Variants in TAP2 observed in about 807,000 individuals in gnomAD.
TAP2 encodes the protein transporter 2, ATP binding cassette subfamily B member, also known as antigen peptide transporter 2.
A neutral mutation model predicts 74.7 loss-of-function variants in TAP2; 49 were observed. The ratio of observed to expected loss-of-function variants is 0.66; its 90% confidence interval spans 0.52 to 0.83. The LOEUF (loss-of-function observed/expected upper bound fraction) is 0.83, where lower values mean the gene tolerates loss of function less well. TAP2 is among the 40% of genes least tolerant of loss of function. TAP2 has a pLI of 0.00. For missense variants in TAP2, 739 were observed against 859.0 expected, an observed-to-expected ratio of 0.86 and a Z score of 1.75; for synonymous variants, 306 against 368.4, an observed-to-expected ratio of 0.83 and a Z score of 1.94.
rs545182541 is a variant in TAP2 at position 32,835,814 on chromosome 6, A to T, written c.609-41T>A. On this transcript the variant is annotated intron_variant, in intron 3 of 11. Transcript: ENST00000374897. This position sits in a 1 kb window ranked among gnomAD's most constrained non-coding sequence, Gnocchi z 4.0. Reference sequence around the variant, plus strand: ...ATAAGAGGGGAGGGAGATGCAGAGAAGGAGCAAGCCAGCGGGTGAAACAGA... The same window carrying T: ...ATAAGAGGGGAGGGAGATGCAGAGATGGAGCAAGCCAGCGGGTGAAACAGA... 1 of 1,612,804 alleles carries T rather than the reference A, an allele frequency of 6.2e-7. No individual in the cohort carries two copies. The highest frequency in any genetic ancestry group is 8.5e-7 in the Non-Finnish European group (1 of 1,179,824).
At position 32,837,633 on chromosome 6, in the gene TAP2, T is replaced by A. The variant is rs1277328181; in HGVS notation, c.512A>T (p.His171Leu). Residue 171 changes from histidine (H) to leucine (L), a missense_variant, in exon 3 of 12, where the codon CAC becomes CTC. Transcript: ENST00000374897. ...LAVLGETLIP[H>L]YSGRVIDILG... ...GATGTCAATCACACGACCAGAATAG[T>A]GAGGGATTAATGTCTCACCTGAAAG... The A allele has an allele frequency of 1.2e-6, 2 of 1,613,710 alleles. No individual in the cohort carries two copies. The highest frequency in any genetic ancestry group is 1.7e-6 in the Non-Finnish European group (2 of 1,179,952).
At chr6:32,830,522 C>T (rs9368744) in intron 8 of TAP2, 82 bp from the exon 9 acceptor site, 32,977 of 1,595,384 alleles carry the variant, frequency 0.021, 460 homozygotes, top group East Asian at 0.057. Flanking sequence ...GAGGCAAGAC[C>T]AGGTTCTCAG....
downstream of TAP2, among the ~76,000 whole-genome samples, chr6:32,825,126 T>TATA (rs1554230832): frequency 2.1e-5 from 3 of 140,684 alleles, no homozygotes; most frequent in Non-Finnish European, 3.1e-5. Flanking sequence ...TGTCTGTTGG[T>TATA]TATATACATA....
rs540923527 is a variant in TAP2, at chr6:32,831,781, C to G, written c.1272+552G>C. 3.3e-5 allele frequency among the ~76,000 whole-genome samples: 5 copies of G among 151,582 alleles called. No individual in the cohort carries two copies. In the South Asian group the frequency reaches 1.0e-3, roughly 31 times the overall value. Reference sequence around the variant, plus strand: ...ATAGATGGATGGATAGATAGATAGACAGACAGACTTAAAAGATGTATCAAC... The same window carrying G: ...ATAGATGGATGGATAGATAGATAGAGAGACAGACTTAAAAGATGTATCAAC... On this transcript the variant is annotated intron_variant, in intron 7 of 11. Transcript: ENST00000374897.
downstream of TAP2, chr6:32,822,166 G>T: frequency 1.3e-6 from 1 of 789,594 alleles, no homozygotes; most frequent in Non-Finnish European, 2.1e-6. Context: ...TGTACTATTT[G>T]CCTCAATTTC....
Position 32,835,754 on chromosome 6 carries a change from G to C in TAP2, c.628C>G (p.Arg210Gly). Reference protein sequence around the residue: ...SFGSSLSAGCRGGCFTYTMSR... With the variant: ...SFGSSLSAGCGGGCFTYTMSR... ...ATGGTGTAGGTGAAGCAGCCTCCTC[G>C]GCAGCCTGCAGACAGTGAGCTGTGG... The change falls in exon 4 of 12, where the codon CGA becomes GGA. Residue 210 changes from arginine (R) to glycine (G), a missense_variant. Coordinates refer to ENST00000374897, the MANE Select transcript of TAP2 (RefSeq NM_001290043.2). The surrounding 1 kb of genome is among the most constrained non-coding windows in gnomAD (Gnocchi z 4.0). 1 of 1,613,092 alleles carries C rather than the reference G, an allele frequency of 6.2e-7. No homozygotes were observed. Among genetic ancestry groups the C allele is most frequent in the Non-Finnish European group, 8.5e-7 (1 of 1,180,024 alleles).
chr6:32,837,468 G>A, intron 3 of TAP2, 69 bp downstream of exon 3: 1 of 1,307,628 alleles, frequency 7.6e-7, no homozygotes, highest in Non-Finnish European at 1.1e-6. Flanking sequence ...CCTAGAAATG[G>A]AGTTAGGGAA....
rs1769569643 is a variant in TAP2, at chr6:32,838,228, C to A, written c.6G>T (p.Arg2=). The part of the protein sequence containing the change: M[R]LPDLRPWTSL... ...AGGTCCAGGGTCTCAGGTCAGGGAG[C>A]CGCATGGCTCTGTCAACGGATACGA... Residue 2 remains arginine, a synonymous_variant, in exon 2 of 12, where the codon CGG becomes CGT. Coordinates refer to ENST00000374897, the MANE Select transcript of TAP2 (RefSeq NM_001290043.2). 6.4e-7 allele frequency: 1 copy of A among 1,565,632 alleles called. No homozygotes were observed. The highest frequency in any genetic ancestry group is 8.6e-7 in the Non-Finnish European group (1 of 1,159,490).
intron 1 of TAP2, 113 bp from the exon 2 acceptor site, chr6:32,838,350 A>AT: frequency 1.0e-5 from 14 of 1,388,874 alleles, no homozygotes; most frequent in Non-Finnish European, 1.3e-5. Context: ...ATTTTATCCT[A>AT]TTCAACCCTG....
Position 32,827,921 on chromosome 6 carries a change from ATAAC to A in TAP2, c.*981_*984del. 1.0e-6 allele frequency: 1 copy of A among 978,654 alleles called. No homozygotes were observed. Among genetic ancestry groups the A allele is most frequent in the African/African-American group, 1.7e-5 (1 of 57,322 alleles). The allele number at this position is 978,654 out of a possible 1,614,324, so 60.6% of individuals were successfully genotyped here. On this transcript the variant is annotated 3_prime_UTR_variant, in exon 12 of 12. Coordinates refer to ENST00000374897, the MANE Select transcript of TAP2 (RefSeq NM_001290043.2). ...CATCTTAAGTCTATGAGTGAAGACT[ATAAC>A]AACGGGACTGGAGAGAAGAGAATAG...
At chr6:32,836,208 A>G (rs9296050) in intron 3 of TAP2, among the ~76,000 whole-genome samples, 1,637 of 152,240 alleles carry the variant, frequency 0.011, 28 homozygotes, top group African/African-American at 0.03. Flanking sequence ...CTCTGTCATC[A>G]TAGATACTTC....
At chr6:32,836,664 T>C (rs1163090654) in intron 3 of TAP2, among the ~76,000 whole-genome samples, 1 of 152,234 alleles carries the variant, frequency 6.6e-6, no homozygotes, top group Non-Finnish European at 1.5e-5. Context: ...TGGGCGACTG[T>C]AACACAGAAG....
intron 7 of TAP2, among the ~76,000 whole-genome samples, chr6:32,831,181 T>C (rs1769054992): frequency 6.6e-6 from 1 of 152,180 alleles, no homozygotes; most frequent in Non-Finnish European, 1.5e-5. Flanking sequence ...AGCGCAGTTC[T>C]CTACACAAAA....
chr6:32,836,993 A>T (rs1029312895), intron 3 of TAP2, among the ~76,000 whole-genome samples: 3 of 152,218 alleles, frequency 2.0e-5, no homozygotes, highest in African/African-American at 7.2e-5. Context: ...CTTATCAAAC[A>T]GTTTGTTTGT....
At chr6:32,823,055 G>A (rs1768402045), downstream of TAP2, among the ~76,000 whole-genome samples, 1 of 151,644 alleles carries the variant, frequency 6.6e-6, no homozygotes, top group South Asian at 2.1e-4. Context: ...AAGTAGCTGG[G>A]ATTACAGGCG....
rs56071805 is a variant in TAP2, at chr6:32,838,166, A to G, written c.68T>C (p.Leu23Pro). 7.9e-5 allele frequency: 126 copies of G among 1,600,414 alleles called. No homozygotes were observed. Among genetic ancestry groups the G allele is most frequent in the Admixed American group, 1.5e-4 (9 of 59,160 alleles). The change falls in exon 2 of 12, where the codon CTT becomes CCT. Residue 23 changes from leucine to proline, a missense_variant. By Grantham distance (98) the Leu-to-Pro change is moderately conservative. Coordinates refer to ENST00000374897, the MANE Select transcript of TAP2 (RefSeq NM_001290043.2). ...AAGCAAAGTCCCCAGAGGGCCCTGA[A>G]GCAGCCACAGTAAAGCCGCGTCCAC... ...LLVDAALLWL[L>P]QGPLGTLLPQ...
rs1232925370 is a variant in TAP2 at position 32,835,701 on chromosome 6, C to T, written c.681G>A (p.Glu227=). ...GGCGCAGCAGGGAGGAGAAAAGCTG[C>T]TCCCGGATCCGCAAGTTGATTCGAG... ...TMSRINLRIR[E]QLFSSLLRQD... The change falls in exon 4 of 12, where the codon GAG becomes GAA. Residue 227 remains glutamate, a synonymous_variant. Transcript: ENST00000374897. This position sits in a 1 kb window ranked among gnomAD's most constrained non-coding sequence, Gnocchi z 4.0. The T allele has an allele frequency of 1.9e-6, 3 of 1,612,978 alleles. No individual in the cohort carries two copies. In the Admixed American group the frequency reaches 5.0e-5, roughly 27 times the overall value.
intron 5 of TAP2, among the ~76,000 whole-genome samples, chr6:32,833,239 A>G (rs1216673185): frequency 6.6e-6 from 1 of 152,220 alleles, no homozygotes; most frequent in Admixed American, 6.5e-5. Context: ...ATGCCACTAG[A>G]TTTGGCAGTG....
downstream of TAP2, among the ~76,000 whole-genome samples, chr6:32,823,729 G>C (rs1302830183): frequency 2.0e-5 from 3 of 151,946 alleles, no homozygotes; most frequent in Non-Finnish European, 4.4e-5. Context: ...GTCTAATTCA[G>C]AGATATTAAC....
Sources: gnomAD v4.1 joint callset for allele counts (sites outside exome capture counted in the v4.1 genomes callset) on GRCh38, gnomAD v4.1.1 for gene constraint, Gnocchi (gnomAD v3.1) non-coding constraint, MANE v1.5 for transcripts, NCBI Gene and HGNC (gene_info 2026-07-23, HGNC 2026-07-21) for gene names.